The following EPB41L4A variants were observed in gnomAD, a reference collection of about 807,000 sequenced individuals.
EPB41L4A encodes the protein erythrocyte membrane protein band 4.1 like 4A.
A neutral mutation model predicts 108.6 loss-of-function variants in EPB41L4A; 100 were observed. The ratio of observed to expected loss-of-function variants is 0.92; its 90% CI spans 0.78 to 1.09. EPB41L4A has a LOEUF of 1.09. Ranked by LOEUF, EPB41L4A falls within the 50% of genes least tolerant of loss-of-function variation. EPB41L4A has a pLI of 0.00. For synonymous variants in EPB41L4A, 319 were observed against 289.0 expected (o/e 1.10, Z -1.05); for missense variants, 1,030 against 842.7 (o/e 1.22, Z -2.75).
intron 9 of EPB41L4A, 47 bp downstream of exon 9, chr5:112,259,182 C>A (rs1751320998): frequency 7.1e-7 from 1 of 1,409,916 alleles, no homozygotes; most frequent in Non-Finnish European, 1.0e-6. Context: ...CAAATGAACA[C>A]ACAAGACACC....
chr5:112,143,850 C>G (rs1277634846), exon 14 of EPB41L4A: 1 of 455,744 alleles, frequency 2.2e-6, no homozygotes, highest in Admixed American at 2.4e-5. Context: ...TGTGCTGACC[C>G]TGTATAAACA....
intron 1 of EPB41L4A, among the ~76,000 whole-genome samples, chr5:112,310,457 T>G (rs1754975771): frequency 6.6e-6 from 1 of 152,242 alleles, no homozygotes; most frequent in South Asian, 2.1e-4. Flanking sequence ...CCTGTCTTCA[T>G]CCTGACTGTA....
Position 112,400,440 on chromosome 5 carries a change from G to T in EPB41L4A, c.99+18501C>A, listed in dbSNP as rs899936187. 2.6e-5 allele frequency among the ~76,000 whole-genome samples: 4 copies of T among 152,060 alleles called. No homozygotes were observed. In the South Asian group the frequency reaches 8.3e-4, roughly 32 times the overall value. On this transcript the variant is annotated intron_variant, in intron 1 of 22. Transcript: ENST00000261486. ...ACAGTTCTACAGGCAGTACAAGCAC[G>T]GCACAGCATCTGCTTGGCTTCTGGG...
At chr5:112,264,244 T>G (rs556906392) in intron 6 of EPB41L4A, 1 of 152,338 alleles carries the variant, frequency 6.6e-6, no homozygotes, top group East Asian at 1.9e-4. Context: ...AAATTAAAAC[T>G]TCAGTGCTAT....
chr5:112,222,986 G>C (rs1413988200), intron 12 of EPB41L4A, among the ~76,000 whole-genome samples: 1 of 149,814 alleles, frequency 6.7e-6, no homozygotes, highest in Non-Finnish European at 1.5e-5. Flanking sequence ...CTGTCGCCCA[G>C]GCTGGAGTGC....
intron 13 of EPB41L4A, among the ~76,000 whole-genome samples, chr5:112,145,348 A>G (rs970063174): frequency 6.6e-6 from 1 of 152,222 alleles, no homozygotes. Flanking sequence ...CTGCACCACC[A>G]TTTTAGAGAT....
Position 112,168,741 on chromosome 5 carries a change from G to A in EPB41L4A, c.1930C>T (p.Gln644Ter), listed in dbSNP as rs763301958. 2 of 1,611,578 alleles carry A rather than the reference G, an allele frequency of 1.2e-6. No homozygotes were observed. Among genetic ancestry groups the A allele is most frequent in the South Asian group, 2.2e-5 (2 of 90,996 alleles). ...AQGSGDATVH[Q>*]RRNGSKDSLM... ...CTTCAAACCTTACTATTACTAACCTGATGAACTGTAGCATCCCCAGAACCC... is the reference window on the plus strand; with the variant it reads ...CTTCAAACCTTACTATTACTAACCTAATGAACTGTAGCATCCCCAGAACCC... The change falls in exon 22 of 23, where the codon CAG (glutamine) becomes TAG (stop). Residue 644 changes from glutamine to a stop codon, truncating the protein, a stop_gained and splice_region_variant. Transcript: ENST00000261486. LOFTEE classifies it high-confidence loss of function.
intron 2 of EPB41L4A, among the ~76,000 whole-genome samples, chr5:112,305,418 A>C (rs1031810929): frequency 3.9e-5 from 6 of 152,164 alleles, no homozygotes; most frequent in African/African-American, 1.4e-4. Flanking sequence ...ATCAACATTC[A>C]TGAAAACCAT....
At chr5:112,213,647 C>T (rs1317513278) in intron 12 of EPB41L4A, among the ~76,000 whole-genome samples, 1 of 152,194 alleles carries the variant, frequency 6.6e-6, no homozygotes, top group Non-Finnish European at 1.5e-5. Context: ...AGCCACCAAA[C>T]CCAGCCAACA....
Position 112,262,478 on chromosome 5 carries a change from A to C in EPB41L4A, c.642+16T>G, listed in dbSNP as rs758268228. 53 of 1,605,946 alleles carry C rather than the reference A, an allele frequency of 3.3e-5. 1 individual carries two copies. The Admixed American group carries it at 8.4e-4, about 25-fold the overall frequency. On this transcript the variant is annotated intron_variant, in intron 7 of 22. Transcript: ENST00000261486. ...CATCAGCTTAAAATATTTTGTGTTAATTAAATGTTACTCACATAGACGGGA... is the reference window on the plus strand; with the variant it reads ...CATCAGCTTAAAATATTTTGTGTTACTTAAATGTTACTCACATAGACGGGA...
intron 1 of EPB41L4A, among the ~76,000 whole-genome samples, chr5:112,394,938 C>T (rs1186764054): frequency 6.6e-6 from 1 of 152,168 alleles, no homozygotes; most frequent in Admixed American, 6.5e-5. Flanking sequence ...AGAAATAACA[C>T]CACACATCGA....
intron 12 of EPB41L4A, among the ~76,000 whole-genome samples, chr5:112,232,785 A>AATAACTGCTAGAAGCACATCTTCCTC (rs1420801909): frequency 6.6e-6 from 1 of 152,192 alleles, no homozygotes; most frequent in African/African-American, 2.4e-5. Flanking sequence ...CACACCTCTG[A>AATAACTGCTAGAAGCACATCTTCCTC]ATAACTGCTA....
chr5:112,246,737 A>G (rs978245361), intron 9 of EPB41L4A, among the ~76,000 whole-genome samples: 4 of 152,182 alleles, frequency 2.6e-5, no homozygotes, highest in Non-Finnish European at 5.9e-5. Flanking sequence ...CTGATGTAAA[A>G]TACAGATTCT....
intron 1 of EPB41L4A, among the ~76,000 whole-genome samples, chr5:112,393,137 A>G (rs1194150890): frequency 6.6e-6 from 1 of 152,232 alleles, no homozygotes; most frequent in Non-Finnish European, 1.5e-5. Flanking sequence ...AAGAGAAAGC[A>G]GGAAAGATCT....
At chr5:112,324,056 A>G (rs946220096) in intron 1 of EPB41L4A, among the ~76,000 whole-genome samples, 1 of 152,226 alleles carries the variant, frequency 6.6e-6, no homozygotes, top group African/African-American at 2.4e-5. Flanking sequence ...CTTTGAGGAT[A>G]TGCTCTAATA....
chr5:112,388,411 C>T (rs1213733883), intron 1 of EPB41L4A, among the ~76,000 whole-genome samples: 1 of 152,176 alleles, frequency 6.6e-6, no homozygotes, highest in Non-Finnish European at 1.5e-5. Flanking sequence ...ATGTATCTGA[C>T]TCAGCTAATG....
chr5:112,333,984 C>G (rs1756757644), intron 1 of EPB41L4A, among the ~76,000 whole-genome samples: 1 of 152,084 alleles, frequency 6.6e-6, no homozygotes, highest in South Asian at 2.1e-4. Context: ...TCCTCTCATC[C>G]AAGGGGACCC....
At chr5:112,355,540 T>C (rs535761536) in intron 1 of EPB41L4A, among the ~76,000 whole-genome samples, 21 of 152,292 alleles carry the variant, frequency 1.4e-4, no homozygotes, top group Non-Finnish European at 2.6e-4. Flanking sequence ...CAATTTCCAA[T>C]ATGATGAGTT....
intron 2 of EPB41L4A, among the ~76,000 whole-genome samples, chr5:112,306,509 C>T (rs1754690139): frequency 6.6e-6 from 1 of 152,140 alleles, no homozygotes; most frequent in Non-Finnish European, 1.5e-5. Flanking sequence ...AAATCATGTT[C>T]TTCACTGAAT....
Sources: allele counts gnomAD v4.1 joint callset (sites outside exome capture counted in the v4.1 genomes callset), GRCh38; gene constraint gnomAD v4.1.1; transcripts MANE v1.5; gene names NCBI Gene and HGNC (gene_info 2026-07-23, HGNC 2026-07-21).